The following ADAMTS17 variants were observed in gnomAD, a reference collection of about 807,000 sequenced individuals.
ADAMTS17 encodes the protein A disintegrin and metalloproteinase with thrombospondin motifs 17.
ADAMTS17 carries 113 observed loss-of-function variants against 141.5 expected under a neutral mutation model. The ratio of observed to expected loss-of-function variants is 0.80; its 90% CI spans 0.69 to 0.93. ADAMTS17 has a LOEUF of 0.93. Among genes scored for constraint, ADAMTS17 ranks in the 40% least tolerant of loss-of-function variants. The probability of loss-of-function intolerance (pLI) is 0.00; values close to 1 mark genes in which losing one functional copy is unlikely to be tolerated. For missense variants in ADAMTS17, 1,659 were observed against 1,517.9 expected (o/e 1.09, Z -1.54); for synonymous variants, 768 against 630.6 (o/e 1.22, Z -3.27).
chr15:100,127,818 G>A (rs1162803626), intron 12 of ADAMTS17, among the ~76,000 whole-genome samples: 1 of 152,132 alleles, frequency 6.6e-6, no homozygotes, highest in Non-Finnish European at 1.5e-5. Context: ...CTGACCTCAG[G>A]TGATCCACCT....
intron 12 of ADAMTS17, among the ~76,000 whole-genome samples, chr15:100,124,834 C>T (rs886130930): frequency 6.6e-6 from 1 of 152,254 alleles, no homozygotes; most frequent in Non-Finnish European, 1.5e-5. Context: ...GAACAAGGAC[C>T]GTCTCCTGCT....
At chr15:100,111,864 C>T (rs1308618506) in intron 13 of ADAMTS17, among the ~76,000 whole-genome samples, 1 of 152,208 alleles carries the variant, frequency 6.6e-6, no homozygotes, top group African/African-American at 2.4e-5. Context: ...AGGAAGTGCT[C>T]GACTGTCTTC....
intron 7 of ADAMTS17, among the ~76,000 whole-genome samples, chr15:100,247,505 TCTACA>T (rs2043024497): frequency 6.6e-6 from 1 of 152,070 alleles, no homozygotes; most frequent in Admixed American, 6.5e-5. Flanking sequence ...CCCAGAGGGC[TCTACA>T]CACCAACCAG....
chr15:100,133,241 C>T lies in ADAMTS17; in HGVS notation c.1548G>A (p.Leu516=), dbSNP rs762724843. 3 of 1,598,146 alleles carry T rather than the reference C, an allele frequency of 1.9e-6. No homozygotes were observed. The highest frequency in any genetic ancestry group is 2.6e-6 in the Non-Finnish European group (3 of 1,171,206). Residue 516 remains leucine, a synonymous_variant, in exon 11 of 22, where the codon CTG becomes CTA. Transcript: ENST00000268070. The part of the protein sequence containing the change: ...TSCKTKLDPP[L]DGTECGADKW... ...TGTCTGCCCCACACTCGGTGCCATC[C>T]AGGGGAGGGTCCAGCTTGGTCTTGC...
At chr15:100,279,966 A>G (rs936472969) in intron 4 of ADAMTS17, among the ~76,000 whole-genome samples, 7 of 152,064 alleles carry the variant, frequency 4.6e-5, no homozygotes, top group Non-Finnish European at 1.0e-4. Context: ...TCTTCAGGAC[A>G]ACCTCCTCCC....
intron 18 of ADAMTS17, among the ~76,000 whole-genome samples, chr15:100,009,285 T>C (rs986234187): frequency 1.3e-5 from 2 of 152,172 alleles, no homozygotes; most frequent in African/African-American, 4.8e-5. Flanking sequence ...CCCCTATTCC[T>C]ATGTAGGTGG....
rs199528633 is a variant in ADAMTS17 at position 99,999,919 on chromosome 15, T to C, written c.2592-2330A>G. On this transcript the variant is annotated intron_variant, in intron 18 of 21. Coordinates refer to ENST00000268070, the MANE Select transcript of ADAMTS17 (RefSeq NM_139057.4). ...CTCCTCTGGAGCTAAGTTCCAATCC[T>C]CTTGGCAGAATCATCACTCTATCCT... Among the ~76,000 whole-genome samples the C allele has an allele frequency of 8.5e-5, 13 of 152,284 alleles. No individual in the cohort carries two copies. In the East Asian group the frequency reaches 2.5e-3, roughly 29 times the overall value.
chr15:100,041,077 A>G (rs990102304), intron 18 of ADAMTS17, among the ~76,000 whole-genome samples: 3 of 152,210 alleles, frequency 2.0e-5, no homozygotes, highest in Non-Finnish European at 4.4e-5. Context: ...TCTCTCATAC[A>G]TGCACGCGTG....
intron 10 of ADAMTS17, among the ~76,000 whole-genome samples, chr15:100,148,688 ATAT>A (rs1478560912): frequency 5.3e-5 from 8 of 152,144 alleles, no homozygotes; most frequent in Non-Finnish European, 1.2e-4. Context: ...CAATTTCATT[ATAT>A]TGAGTATTTT....
intron 4 of ADAMTS17, among the ~76,000 whole-genome samples, chr15:100,269,698 C>T (rs181468962): frequency 1.9e-4 from 29 of 152,224 alleles, no homozygotes; most frequent in African/African-American, 4.1e-4. Context: ...GACAGAGAAG[C>T]GGCAGCAGGA....
chr15:100,171,421 G>T (rs2040155756), intron 8 of ADAMTS17, among the ~76,000 whole-genome samples: 1 of 152,176 alleles, frequency 6.6e-6, no homozygotes, highest in African/African-American at 2.4e-5. Context: ...ACCTCGCAGG[G>T]CTATGAAATG....
intron 15 of ADAMTS17, among the ~76,000 whole-genome samples, chr15:100,073,149 G>A (rs918513928): frequency 6.6e-6 from 1 of 152,146 alleles, no homozygotes; most frequent in Non-Finnish European, 1.5e-5. Context: ...GCAGCCAACA[G>A]ACACGTGAAA....
At chr15:100,047,021 A>T (rs1447189697) in intron 18 of ADAMTS17, among the ~76,000 whole-genome samples, 1 of 152,086 alleles carries the variant, frequency 6.6e-6, no homozygotes, top group African/African-American at 2.4e-5. Flanking sequence ...TCTTTTTCTC[A>T]GCAAGGAACA....
chr15:100,148,195 G>T (rs977660613), intron 10 of ADAMTS17, among the ~76,000 whole-genome samples: 4 of 152,152 alleles, frequency 2.6e-5, no homozygotes, highest in Non-Finnish European at 5.9e-5. Context: ...AGGTGCTGAG[G>T]ATAGGACATA....
chr15:100,041,375 A>G (rs910658565), intron 18 of ADAMTS17, among the ~76,000 whole-genome samples: 2 of 152,258 alleles, frequency 1.3e-5, no homozygotes, highest in African/African-American at 4.8e-5. Flanking sequence ...AGTGGCTAAT[A>G]AGCTCTTAAA....
At chr15:100,102,348 TACATTTGAGGGCCAACC>T in intron 14 of ADAMTS17, among the ~76,000 whole-genome samples, 2 of 131,758 alleles carry the variant, frequency 1.5e-5, no homozygotes, top group African/African-American at 6.4e-5. Flanking sequence ...GAAGGGGATC[TACATTTGAGGGCCAACC>T]GAAGGGGATC....
rs377278819 is a variant in ADAMTS17, at chr15:100,237,214, C to T, written c.1075+16922G>A. On this transcript the variant is annotated intron_variant, in intron 7 of 21. Coordinates refer to ENST00000268070, the MANE Select transcript of ADAMTS17 (RefSeq NM_139057.4). ...CTCAGCACCTTCATCTGTGAACTGG[C>T]GCCTACAGGAGGCGACTCCATGTGA... Among the ~76,000 whole-genome samples the T allele has an allele frequency of 1.2e-4, 19 of 152,308 alleles. No individual in the cohort carries two copies. The East Asian group carries it at 1.4e-3, about 11-fold the overall frequency.
At chr15:100,009,806 G>T (rs1365000019) in intron 18 of ADAMTS17, among the ~76,000 whole-genome samples, 4 of 152,096 alleles carry the variant, frequency 2.6e-5, no homozygotes, top group African/African-American at 9.7e-5. Flanking sequence ...ACTTTCAACA[G>T]ATTTACATGA....
chr15:100,141,439 T>G (rs893300668), intron 10 of ADAMTS17, among the ~76,000 whole-genome samples: 1 of 152,018 alleles, frequency 6.6e-6, no homozygotes, highest in Non-Finnish European at 1.5e-5. Context: ...TTATATAAAG[T>G]CTCTCAAAAA....
Sources: gnomAD v4.1 joint callset for allele counts (sites outside exome capture counted in the v4.1 genomes callset) on GRCh38, gnomAD v4.1.1 for gene constraint, MANE v1.5 for transcripts, NCBI Gene and HGNC (gene_info 2026-07-23, HGNC 2026-07-21) for gene names.